The following ATM variants were observed in gnomAD, a reference collection of about 807,000 sequenced individuals.
ATM encodes the protein ATM serine/threonine kinase.
A neutral mutation model predicts 387.0 loss-of-function variants in ATM; 308 were observed. The ratio of observed to expected loss-of-function variants is 0.80; its 90% CI spans 0.73 to 0.87. The LOEUF is 0.87. ATM is among the 40% of genes least tolerant of loss of function. The pLI is 0.00. For synonymous variants in ATM, 1,156 were observed against 1,187.3 expected, an observed-to-expected ratio of 0.97 and a Z score of 0.54; for missense variants, 3,312 against 3,560.9, an observed-to-expected ratio of 0.93 and a Z score of 1.78.
intron 5 of ATM, chr11:108,236,040 G>A: frequency 3.4e-6 from 2 of 585,870 alleles, no homozygotes; most frequent in Non-Finnish European, 6.0e-6. Flanking sequence ...TATATCAGGT[G>A]CCTGATATCA....
chr11:108,300,429 C>T (rs531128270), intron 34 of ATM, among the ~76,000 whole-genome samples: 2 of 152,304 alleles, frequency 1.3e-5, no homozygotes, highest in Admixed American at 1.3e-4. Context: ...TGCTCTTTCT[C>T]TCTCTTATTT....
At chr11:108,224,481 A>G (rs1174769807) in intron 1 of ATM, 3 of 152,216 alleles carry the variant, frequency 2.0e-5, no homozygotes, top group African/African-American at 4.8e-5. Flanking sequence ...GATATTCTGG[A>G]TTAATGTATA....
chr11:108,304,320 T>TC (rs1272559067), intron 36 of ATM, among the ~76,000 whole-genome samples: 1 of 152,214 alleles, frequency 6.6e-6, no homozygotes, highest in Non-Finnish European at 1.5e-5. Flanking sequence ...ATCAGAAAAC[T>TC]CCTTCTGTTA....
intron 59 of ATM, among the ~76,000 whole-genome samples, chr11:108,352,904 T>G (rs1026626571): frequency 1.3e-5 from 2 of 152,036 alleles, no homozygotes; most frequent in Non-Finnish European, 2.9e-5. Flanking sequence ...TAGTGGCTGC[T>G]AGAAAAATAG....
At chr11:108,284,136 A>G in intron 25 of ATM, 91 bp from the exon 26 acceptor site, 1 of 950,628 alleles carries the variant, frequency 1.1e-6, no homozygotes, top group Non-Finnish European at 1.6e-6. Context: ...TTTAATGCTG[A>G]TGGTATTAAA....
intron 56 of ATM, among the ~76,000 whole-genome samples, chr11:108,336,613 G>T (rs1440353486): frequency 6.6e-6 from 1 of 152,210 alleles, no homozygotes; most frequent in Admixed American, 6.5e-5. Flanking sequence ...AAACAACGCT[G>T]TATTGTAGTG....
Position 108,252,096 on chromosome 11 carries a change from T to C in ATM, c.1802+65T>C, listed in dbSNP as rs4987946. On this transcript the variant is annotated intron_variant, in intron 11 of 62. Transcript: ENST00000675843. ...TGTTTTATCAGGCTCTCTCCACTTA[T>C]TTGATGCCAGATGGCTTTATTTTAT... The C allele has an allele frequency of 3.7e-3, 5,230 of 1,403,524 alleles. 103 individuals carry two copies. The African/African-American group carries it at 0.051, about 14-fold the overall frequency. The allele number at this position is 1,403,524 out of a possible 1,614,324, so 86.9% of individuals were successfully genotyped here. A position where few individuals can be genotyped will look rare whatever the true frequency, so the allele number is the denominator to read the frequency against.
At chr11:108,298,824 A>G (rs1392126452) in intron 33 of ATM, among the ~76,000 whole-genome samples, 1 of 152,266 alleles carries the variant, frequency 6.6e-6, no homozygotes, top group African/African-American at 2.4e-5. Context: ...TGTAGTGCTA[A>G]TAAATGAATT....
intron 16 of ATM, 90 bp downstream of exon 16, chr11:108,259,165 C>A: frequency 2.9e-6 from 3 of 1,043,042 alleles, no homozygotes; most frequent in Admixed American, 2.0e-5. Flanking sequence ...GGATGCATCT[C>A]ACAACATATA....
chr11:108,281,260 T>C (rs2082218132), intron 24 of ATM, 92 bp downstream of exon 24: 1 of 1,305,486 alleles, frequency 7.7e-7, no homozygotes, highest in Admixed American at 1.8e-5. Context: ...GTGGCACTTA[T>C]TTAAGACTAG....
At chr11:108,232,129 A>G (rs1009053602) in intron 4 of ATM, among the ~76,000 whole-genome samples, 2 of 152,260 alleles carry the variant, frequency 1.3e-5, no homozygotes, top group Non-Finnish European at 2.9e-5. Flanking sequence ...TGCAACATTA[A>G]CAATGGAGAT....
chr11:108,267,655 A>C (rs1407330428), intron 17 of ATM, among the ~76,000 whole-genome samples: 1 of 152,110 alleles, frequency 6.6e-6, no homozygotes, highest in South Asian at 2.1e-4. Context: ...TCAGGAGATC[A>C]AGACCATCCT....
Position 108,329,125 on chromosome 11 carries a change from C to T in ATM, c.7194C>T (p.Tyr2398=), listed in dbSNP as rs1591151199. ...TAGCCCGGTTTTCAGATACTCAATACCAAAGAATTGAAAACTACATGAAAT... is the reference window on the plus strand; with the variant it reads ...TAGCCCGGTTTTCAGATACTCAATATCAAAGAATTGAAAACTACATGAAAT... The part of the protein sequence containing the change: ...LSLARFSDTQ[Y]QRIENYMKSS... Residue 2398 remains tyrosine, a synonymous_variant, in exon 49 of 63, where the codon TAC becomes TAT. Coordinates refer to ENST00000675843, the MANE Select transcript of ATM (RefSeq NM_000051.4). 1 of 1,613,922 alleles carries T rather than the reference C, an allele frequency of 6.2e-7. No individual in the cohort carries two copies. The highest frequency in any genetic ancestry group is 8.5e-7 in the Non-Finnish European group (1 of 1,179,950).
At chr11:108,252,195 C>A (rs1480689209) in intron 11 of ATM, among the ~76,000 whole-genome samples, 164 bp downstream of exon 11, 1 of 152,118 alleles carries the variant, frequency 6.6e-6, no homozygotes, top group East Asian at 1.9e-4. Context: ...TTATCTGTGT[C>A]TTTATGCCTG....
At chr11:108,257,083 G>A (rs879338687) in intron 14 of ATM, among the ~76,000 whole-genome samples, 3 of 152,148 alleles carry the variant, frequency 2.0e-5, no homozygotes, top group Non-Finnish European at 2.9e-5. Flanking sequence ...GATCCTTGAG[G>A]AATTGCCACA....
Position 108,329,222 on chromosome 11 carries a change from A to G in ATM, c.7291A>G (p.Lys2431Glu), listed in dbSNP as rs864622563. Residue 2431 changes from lysine (K) to glutamate (E), a missense_variant, in exon 49 of 63, where the codon AAA (lysine) becomes GAA (glutamate). This residue lies in a region of ATM where 1,405 missense variants were observed against 1,604.4 expected (regional missense o/e 0.88). Coordinates refer to ENST00000675843, the MANE Select transcript of ATM (RefSeq NM_000051.4). ...KEEVGLLREH[K>E]IQTNRYTVKV... ...GGAAGTAGGTCTCCTTAGGGAACAT[A>G]AAATTCAGACAAACAGGTAACTAGG... 8.7e-6 allele frequency: 14 copies of G among 1,613,252 alleles called. No homozygotes were observed. The highest frequency in any genetic ancestry group is 1.2e-5 in the Non-Finnish European group (14 of 1,179,432).
intron 60 of ATM, 55 bp downstream of exon 60, chr11:108,353,935 G>A (rs2089539529): frequency 2.7e-6 from 4 of 1,503,516 alleles, no homozygotes; most frequent in Admixed American, 3.4e-5. Context: ...AATTACATGG[G>A]CTGGGCATGG....
At chr11:108,318,152 A>G (rs534072353) in intron 43 of ATM, among the ~76,000 whole-genome samples, 1 of 152,236 alleles carries the variant, frequency 6.6e-6, no homozygotes, top group Non-Finnish European at 1.5e-5. Flanking sequence ...GCCTGAGCTC[A>G]GGAGTTTGAG....
intron 57 of ATM, among the ~76,000 whole-genome samples, chr11:108,345,272 TG>T (rs2088181227): frequency 6.6e-6 from 1 of 152,202 alleles, no homozygotes; most frequent in Non-Finnish European, 1.5e-5. Flanking sequence ...GGAAGGGAGT[TG>T]AAGTCGGTAA....
Sources: gnomAD v4.1 joint callset for allele counts (sites outside exome capture counted in the v4.1 genomes callset) on GRCh38, gnomAD v4.1.1 for gene constraint, gnomAD v4.1.1 regional missense constraint, MANE v1.5 for transcripts, NCBI Gene and HGNC (gene_info 2026-07-23, HGNC 2026-07-21) for gene names.